The following RORA variants were observed in gnomAD, a reference collection of about 807,000 sequenced individuals.
RORA encodes nuclear receptor ROR-alpha.
RORA carries 7 observed loss-of-function variants against 69.5 expected under a neutral mutation model. The ratio of observed to expected loss-of-function variants is 0.10; its 90% confidence interval spans 0.06 to 0.19. RORA has a LOEUF of 0.19. Among genes scored for constraint, RORA ranks in the 10% least tolerant of loss-of-function variants. RORA has a pLI of 1.00. For missense variants in RORA, 457 were observed against 663.0 expected (o/e 0.69, Z 3.41); for synonymous variants, 261 against 240.8 (o/e 1.08, Z -0.78).
At chr15:60,707,474 C>T (rs1409860624) in intron 1 of RORA, among the ~76,000 whole-genome samples, 3 of 151,944 alleles carry the variant, frequency 2.0e-5, no homozygotes, top group Non-Finnish European at 4.4e-5. Flanking sequence ...CGCCATTCTC[C>T]TGCCTCAGCC....
chr15:60,851,862 T>C (rs1054324419), intron 1 of RORA, among the ~76,000 whole-genome samples: 1 of 152,070 alleles, frequency 6.6e-6, no homozygotes, highest in Non-Finnish European at 1.5e-5. Flanking sequence ...TCTGAGAACT[T>C]TTCTTCCGGA....
At chr15:61,006,177 C>T (rs766470580) in intron 1 of RORA, among the ~76,000 whole-genome samples, 104 of 152,160 alleles carry the variant, frequency 6.8e-4, no homozygotes, top group Non-Finnish European at 1.3e-3. Flanking sequence ...CAGTGTTGGC[C>T]AGGATGGTCT....
At position 60,513,519 on chromosome 15, in the gene RORA, A is replaced by G. The variant is rs553984409; in HGVS notation, c.424+1097T>C. On this transcript the variant is annotated intron_variant, in intron 4 of 10. Transcript: ENST00000335670. ...GGGACCAGCTCTTGAGAAAATGCAC[A>G]CACAACTTGTGATTTAAACTTACAA... Among the ~76,000 whole-genome samples, 62 of 152,360 alleles carry G rather than the reference A, an allele frequency of 4.1e-4. 1 individual carries two copies. Among genetic ancestry groups the G allele is most frequent in the African/African-American group, 1.5e-3 (62 of 41,578 alleles).
intron 1 of RORA, among the ~76,000 whole-genome samples, chr15:61,066,079 G>A (rs1276990443): frequency 1.3e-5 from 2 of 152,164 alleles, no homozygotes; most frequent in Non-Finnish European, 2.9e-5. Flanking sequence ...AATGCGTCTA[G>A]TGGTTTTTAT....
chr15:60,922,782 T>C (rs1892092314), intron 1 of RORA, among the ~76,000 whole-genome samples: 2 of 152,254 alleles, frequency 1.3e-5, no homozygotes, highest in South Asian at 2.1e-4. Flanking sequence ...AGTTTCTGTC[T>C]GTAACACTCT....
chr15:60,642,851 G>T (rs1358582233), intron 2 of RORA, among the ~76,000 whole-genome samples: 1 of 152,112 alleles, frequency 6.6e-6, no homozygotes, highest in East Asian at 1.9e-4. Context: ...ACTCCAGCCT[G>T]GGCAACAGAG....
chr15:60,677,411 G>A, intron 2 of RORA: 1 of 342,336 alleles, frequency 2.9e-6, no homozygotes, highest in Non-Finnish European at 6.0e-6. Context: ...TGTGCATTGA[G>A]AGATGGAGGT....
chr15:60,966,391 G>C (rs1342638906), intron 1 of RORA, among the ~76,000 whole-genome samples: 6 of 152,138 alleles, frequency 3.9e-5, no homozygotes, highest in Admixed American at 2.6e-4. Flanking sequence ...TGGAAGATGA[G>C]TTTTATTTCC....
chr15:60,885,026 A>G (rs2073736238), intron 1 of RORA, among the ~76,000 whole-genome samples: 1 of 152,232 alleles, frequency 6.6e-6, no homozygotes, highest in Non-Finnish European at 1.5e-5. Flanking sequence ...CAGCCTTTTC[A>G]TTTCATTCTA....
chr15:60,629,187 C>CTT (rs34687322), intron 2 of RORA, among the ~76,000 whole-genome samples: 24 of 112,022 alleles, frequency 2.1e-4, no homozygotes, highest in Non-Finnish European at 3.3e-4. Flanking sequence ...ACTGTTTATT[C>CTT]TTTTTTTTTT....
intron 2 of RORA, among the ~76,000 whole-genome samples, chr15:60,569,956 C>T (rs1452518125): frequency 2.0e-5 from 3 of 152,020 alleles, no homozygotes; most frequent in South Asian, 4.1e-4. Flanking sequence ...AACCCACACT[C>T]GTTAAAAAGG....
intron 1 of RORA, among the ~76,000 whole-genome samples, chr15:60,899,524 T>C (rs1891325818): frequency 1.3e-5 from 2 of 152,236 alleles, no homozygotes; most frequent in Non-Finnish European, 2.9e-5. Context: ...TGAGCAAGCA[T>C]AACCCAGCAG....
intron 1 of RORA, among the ~76,000 whole-genome samples, chr15:61,084,493 A>G (rs1469564862): frequency 1.3e-5 from 2 of 152,256 alleles, no homozygotes; most frequent in Non-Finnish European, 2.9e-5. Flanking sequence ...ACCTAAATAT[A>G]GGAAATAGTT....
intron 1 of RORA, among the ~76,000 whole-genome samples, chr15:60,831,499 C>G (rs2073041755): frequency 6.6e-6 from 1 of 152,146 alleles, no homozygotes; most frequent in East Asian, 1.9e-4. Flanking sequence ...AAAATCTTCC[C>G]TGGAGGTCAG....
intron 1 of RORA, among the ~76,000 whole-genome samples, chr15:60,845,757 G>C (rs1216282493): frequency 5.9e-5 from 9 of 151,932 alleles, no homozygotes. Context: ...TTTTTTGTTT[G>C]CTTGTTTGAG....
At chr15:60,919,183 G>A (rs60653846) in intron 1 of RORA, among the ~76,000 whole-genome samples, 3,914 of 152,266 alleles carry the variant, frequency 0.026, 160 homozygotes, top group African/African-American at 0.088. Context: ...ACTATCCTCT[G>A]AGGTTGCTCT....
intron 1 of RORA, among the ~76,000 whole-genome samples, chr15:60,966,947 T>C (rs1893569774): frequency 6.6e-6 from 1 of 152,200 alleles, no homozygotes; most frequent in Non-Finnish European, 1.5e-5. Flanking sequence ...ATCGGTGTCA[T>C]AGCTTTAGGA....
At chr15:61,163,673 C>T (rs1415048154) in intron 1 of RORA, among the ~76,000 whole-genome samples, 1 of 152,196 alleles carries the variant, frequency 6.6e-6, no homozygotes, top group Non-Finnish European at 1.5e-5. Context: ...AGAGGAGTCA[C>T]AGCTGCTGAT....
chr15:61,031,576 G>C (rs1387060802), intron 1 of RORA, among the ~76,000 whole-genome samples: 1 of 152,106 alleles, frequency 6.6e-6, no homozygotes, highest in Non-Finnish European at 1.5e-5. Flanking sequence ...GCAAATTGGT[G>C]GTTGGGGGAG....
Sources: gnomAD v4.1 joint callset for allele counts (sites outside exome capture counted in the v4.1 genomes callset) on GRCh38, gnomAD v4.1.1 for gene constraint, MANE v1.5 for transcripts, NCBI Gene and HGNC (gene_info 2026-07-23, HGNC 2026-07-21) for gene names.